Variants in TRIP11 observed in about 807,000 individuals in gnomAD.
The protein encoded by TRIP11 is thyroid receptor-interacting protein 11.
In TRIP11, 148 loss-of-function variants were observed where a neutral mutation model predicts 223.1. The observed-to-expected ratio is 0.66, with a 90% CI of 0.58 to 0.76. The LOEUF (loss-of-function observed/expected upper bound fraction) is 0.76, where lower values mean the gene tolerates loss of function less well. Ranked by LOEUF, TRIP11 falls within the 30% of genes least tolerant of loss-of-function variation. TRIP11 has a pLI of 0.00. For synonymous variants in TRIP11, 762 were observed against 772.6 expected (o/e 0.99, Z 0.23); for missense variants, 2,043 against 2,222.0 (o/e 0.92, Z 1.62).
Position 91,966,558 on chromosome 14 carries a change from T to C in TRIP11, c.*3115A>G, listed in dbSNP as rs549545564. 129 of 206,400 alleles carry C rather than the reference T, an allele frequency of 6.3e-4. No homozygotes were observed. The highest frequency in any genetic ancestry group is 2.8e-3 in the African/African-American group (125 of 44,020). 12.8% of individuals were successfully genotyped at this position (206,400 alleles called of 1,614,324 possible). A position where few individuals can be genotyped will look rare whatever the true frequency, so the allele number is the denominator to read the frequency against. ...ATTGGATAAGTATTTTGATAGTTTC[T>C]GTACTCTTTTCAATTAACCATTAAG... On this transcript the variant is annotated 3_prime_UTR_variant, in exon 21 of 21. Transcript: ENST00000267622.
rs1343141651 is a variant in TRIP11 at position 92,031,395 on chromosome 14, G to A, written c.201+1797C>T. Among the ~76,000 whole-genome samples the A allele has an allele frequency of 7.2e-5, 11 of 152,138 alleles. No homozygotes were observed. In the South Asian group the frequency reaches 2.3e-3, roughly 32 times the overall value. On this transcript the variant is annotated intron_variant, in intron 2 of 20. Coordinates refer to ENST00000267622, the MANE Select transcript of TRIP11 (RefSeq NM_004239.4). ...GCTGGGATTACAGGCATGAGCCACC[G>A]TGCCTGGCCTATTACAAAAAAATCT...
intron 13 of TRIP11, 30 bp downstream of exon 13, chr14:91,999,210 A>C: frequency 2.5e-6 from 4 of 1,606,754 alleles, no homozygotes; most frequent in Non-Finnish European, 2.5e-6. Flanking sequence ...GTGTTCAGTT[A>C]AAGTTAATGC....
At chr14:91,974,783 AAG>A in intron 18 of TRIP11, 40 bp from the exon 19 acceptor site, 1 of 1,446,496 alleles carries the variant, frequency 6.9e-7, no homozygotes, top group Admixed American at 2.0e-5. Flanking sequence ...TTATCAGTAC[AAG>A]AAAAAAAAAA....
rs200505114 is a variant in TRIP11, at chr14:91,993,715, TG to T, written c.5160+93del. On this transcript the variant is annotated intron_variant, in intron 15 of 20. Transcript: ENST00000267622. Reference sequence around the variant, plus strand: ...GATTCAGGGTAGAAAATTTACTAAATGAACAGTTTAGGAGATTATTTCCAAG... The same window carrying T: ...GATTCAGGGTAGAAAATTTACTAAATAACAGTTTAGGAGATTATTTCCAAG... 13,239 of 1,029,624 alleles carry T rather than the reference TG, an allele frequency of 0.013. 134 individuals are homozygous for T. Among genetic ancestry groups the T allele is most frequent in the Non-Finnish European group, 0.016 (10,567 of 680,280 alleles). The allele number at this position is 1,029,624 out of a possible 1,614,324, so 63.8% of individuals were successfully genotyped here. A position where few individuals can be genotyped will look rare whatever the true frequency, so the allele number is the denominator to read the frequency against.
Position 91,966,094 on chromosome 14 carries a change from C to CA in TRIP11, c.*3578dup, listed in dbSNP as rs2056340127. ...TGCCTTGCAGTGCTCCTGAGAAATT[C>CA]AAAAATGCATTAACTTTAGCTCTAT... On this transcript the variant is annotated 3_prime_UTR_variant, in exon 21 of 21. Coordinates refer to ENST00000267622, the MANE Select transcript of TRIP11 (RefSeq NM_004239.4). The CA allele has an allele frequency of 5.8e-6, 1 of 173,332 alleles. No homozygotes were observed. The highest frequency in any genetic ancestry group is 2.4e-5 in the African/African-American group (1 of 42,084). 10.7% of individuals were successfully genotyped at this position (173,332 alleles called of 1,614,324 possible).
chr14:91,999,035 T>A (rs2056786836), intron 13 of TRIP11, among the ~76,000 whole-genome samples: 1 of 151,918 alleles, frequency 6.6e-6, no homozygotes, highest in African/African-American at 2.4e-5. Flanking sequence ...ATCTAAAGAG[T>A]CACAGACTCA....
intron 16 of TRIP11, among the ~76,000 whole-genome samples, chr14:91,981,977 TTAAAAA>T (rs1237289370): frequency 6.6e-6 from 1 of 152,038 alleles, no homozygotes; most frequent in Admixed American, 6.6e-5. Flanking sequence ...ATCCTGCCTC[TTAAAAA>T]TAAAAATAAA....
intron 15 of TRIP11, among the ~76,000 whole-genome samples, chr14:91,990,596 G>A (rs1272180650): frequency 6.6e-6 from 1 of 152,218 alleles, no homozygotes; most frequent in Non-Finnish European, 1.5e-5. Context: ...AGAAATGCAA[G>A]GCTGTAGTGC....
At chr14:91,989,795 G>A (rs771399799) in intron 15 of TRIP11, among the ~76,000 whole-genome samples, 5 of 152,164 alleles carry the variant, frequency 3.3e-5, no homozygotes, top group Non-Finnish European at 2.9e-5. Flanking sequence ...GGGTGGGCCC[G>A]ACTGAACCAG....
chr14:92,026,386 C>A (rs1243942165), intron 2 of TRIP11, among the ~76,000 whole-genome samples: 11 of 152,166 alleles, frequency 7.2e-5, no homozygotes, highest in African/African-American at 2.2e-4. Flanking sequence ...ATTATCATTC[C>A]TTATTTGAAT....
At position 92,014,222 on chromosome 14, in the gene TRIP11, T is replaced by G. The variant is rs780272204; in HGVS notation, c.1179A>C (p.Ala393=). ...SVEEVFRLQQ[A]LSDAENEIMR... is the part of the protein sequence containing the mutation. ...GTTCCAAAGACTGTATACCAGACAG[T>G]GCTTGTTGTAGTCTGAACACTTCTT... Residue 393 remains alanine (A), a synonymous_variant, in exon 7 of 21, where the codon GCA becomes GCC. Transcript: ENST00000267622. 2 of 1,614,020 alleles carry G rather than the reference T, an allele frequency of 1.2e-6. No individual in the cohort carries two copies. The highest frequency in any genetic ancestry group is 2.2e-5 in the South Asian group (2 of 91,082).
At chr14:91,970,617 G>A (rs11851929) in intron 20 of TRIP11, among the ~76,000 whole-genome samples, 11 of 152,012 alleles carry the variant, frequency 7.2e-5, no homozygotes, top group African/African-American at 1.7e-4. Flanking sequence ...CATATGCTGC[G>A]GGGTTCTGGA....
intron 5 of TRIP11, among the ~76,000 whole-genome samples, chr14:92,017,350 T>C (rs924446234): frequency 2.0e-5 from 3 of 152,276 alleles, no homozygotes; most frequent in Middle Eastern, 3.4e-3. Flanking sequence ...CAGACCAGCC[T>C]GGGCACCATT....
At position 92,003,812 on chromosome 14, in the gene TRIP11, G is replaced by A. The variant is rs140130380; in HGVS notation, c.4164C>T (p.His1388=). ...AATSELERKE[H]EQTDSEIKQL... is the part of the protein sequence containing the mutation. ...GCTTGATTTCTGAATCGGTTTGTTCGTGTTCTTTTCTTTCTAGCTCTGAGG... is the reference window on the plus strand; with the variant it reads ...GCTTGATTTCTGAATCGGTTTGTTCATGTTCTTTTCTTTCTAGCTCTGAGG... Residue 1388 remains histidine, a synonymous_variant, in exon 11 of 21, where the codon CAC becomes CAT. Coordinates refer to ENST00000267622, the MANE Select transcript of TRIP11 (RefSeq NM_004239.4). The A allele has an allele frequency of 1.2e-3, 1,962 of 1,614,066 alleles. 21 individuals carry two copies. The African/African-American group carries it at 0.023, about 19-fold the overall frequency.
intron 9 of TRIP11, among the ~76,000 whole-genome samples, chr14:92,009,897 G>C (rs1278000709): frequency 2.6e-5 from 4 of 152,204 alleles, no homozygotes; most frequent in Admixed American, 2.0e-4. Flanking sequence ...GACTGCCTCT[G>C]GGAAAGAGGC....
intron 19 of TRIP11, among the ~76,000 whole-genome samples, chr14:91,973,065 G>A (rs1347855612): frequency 2.9e-5 from 4 of 137,302 alleles, no homozygotes; most frequent in South Asian, 2.2e-4. Flanking sequence ...TTGCTCTGTC[G>A]CCCAGGCTGG....
intron 1 of TRIP11, among the ~76,000 whole-genome samples, chr14:92,036,528 T>C (rs1002072040): frequency 7.2e-5 from 11 of 152,214 alleles, no homozygotes; most frequent in Non-Finnish European, 1.2e-4. Context: ...TTTCAACCCA[T>C]GTCTCTCTGA....
chr14:92,011,145 C>A, intron 8 of TRIP11, 73 bp from the exon 9 acceptor site: 1 of 1,307,100 alleles, frequency 7.7e-7, no homozygotes, highest in Non-Finnish European at 1.1e-6. Context: ...GCAATCTATA[C>A]AATTGTGTGT....
chr14:92,025,712 A>G (rs2057175993), intron 2 of TRIP11, among the ~76,000 whole-genome samples: 1 of 152,000 alleles, frequency 6.6e-6, no homozygotes, highest in African/African-American at 2.4e-5. Flanking sequence ...CCCCATCTCT[A>G]CTAAAATACA....
Sources: gnomAD v4.1 joint callset for allele counts (sites outside exome capture counted in the v4.1 genomes callset) on GRCh38, gnomAD v4.1.1 for gene constraint, MANE v1.5 for transcripts, NCBI Gene and HGNC (gene_info 2026-07-23, HGNC 2026-07-21) for gene names.